The following PTPN14 variants were observed in gnomAD, a reference collection of about 807,000 sequenced individuals.
PTPN14 encodes the protein tyrosine-protein phosphatase non-receptor type 14.
PTPN14 carries 53 observed loss-of-function variants against 126.8 expected under a neutral mutation model. The ratio of observed to expected loss-of-function variants is 0.42; its 90% CI spans 0.34 to 0.53. The LOEUF is 0.53. Among genes scored for constraint, PTPN14 ranks in the 20% least tolerant of loss-of-function variants. The pLI is 0.08. For synonymous variants in PTPN14, 630 were observed against 599.3 expected, an observed-to-expected ratio of 1.05 and a Z score of -0.75; for missense variants, 1,257 against 1,552.9, an observed-to-expected ratio of 0.81 and a Z score of 3.20.
At chr1:214,506,907 G>C in intron 1 of PTPN14, among the ~76,000 whole-genome samples, 1 of 138,100 alleles carries the variant, frequency 7.2e-6, no homozygotes, top group East Asian at 1.9e-4. Flanking sequence ...ACAAGAGCGC[G>C]GGTTTTTTTT....
chr1:214,460,756 T>A (rs1660493096), intron 2 of PTPN14, among the ~76,000 whole-genome samples: 2 of 152,192 alleles, frequency 1.3e-5, no homozygotes. Context: ...CTCTAAACTC[T>A]AGGAGCAAAG....
intron 1 of PTPN14, among the ~76,000 whole-genome samples, chr1:214,481,483 C>T (rs1660983998): frequency 1.7e-5 from 2 of 114,558 alleles, no homozygotes; most frequent in South Asian, 5.7e-4. Flanking sequence ...TGCACTCCAG[C>T]CTGGGAAACA....
chr1:214,537,940 G>A (rs1655746421), intron 1 of PTPN14, among the ~76,000 whole-genome samples: 1 of 152,108 alleles, frequency 6.6e-6, no homozygotes, highest in Admixed American at 6.5e-5. Context: ...AAAATATTAT[G>A]TCAACATATA....
At chr1:214,517,228 G>A (rs1285723300) in intron 1 of PTPN14, among the ~76,000 whole-genome samples, 1 of 152,082 alleles carries the variant, frequency 6.6e-6, no homozygotes, top group Non-Finnish European at 1.5e-5. Context: ...GTGAAGGCAT[G>A]GTCAGTGTAC....
At chr1:214,525,083 T>C (rs931562858) in intron 1 of PTPN14, among the ~76,000 whole-genome samples, 1 of 152,156 alleles carries the variant, frequency 6.6e-6, no homozygotes, top group Admixed American at 6.5e-5. Flanking sequence ...ATGTAACATA[T>C]AGCAGTCCCA....
Position 214,357,985 on chromosome 1 carries a change from G to T in PTPN14, c.3501C>A (p.Ile1167=), listed in dbSNP as rs1199238230. Residue 1167 remains isoleucine (I), a synonymous_variant, in exon 19 of 19, where the codon ATC becomes ATA. Transcript: ENST00000366956. ...REQRMFMIQT[I]AQYKFVYQVL... ...CTTGGTAGACAAACTTGTACTGAGC[G>T]ATAGTCTGGATCATGAACATCCTCT... 3 of 1,613,224 alleles carry T rather than the reference G, an allele frequency of 1.9e-6. No individual in the cohort carries two copies. The highest frequency in any genetic ancestry group is 1.1e-5 in the South Asian group (1 of 91,054).
chr1:214,360,891 G>A (rs1317660786), intron 18 of PTPN14, among the ~76,000 whole-genome samples: 1 of 152,152 alleles, frequency 6.6e-6, no homozygotes, highest in Non-Finnish European at 1.5e-5. Context: ...GGAACATGGG[G>A]GCAGATTTCC....
chr1:214,374,597 G>A (rs1658297780), intron 15 of PTPN14, among the ~76,000 whole-genome samples: 2 of 152,298 alleles, frequency 1.3e-5, no homozygotes, highest in South Asian at 4.1e-4. Context: ...TCTGTTCTGT[G>A]TTAACGGCTG....
In PTPN14 at chr1:214,483,018, C is replaced by A; in HGVS notation, c.-154-18061G>T. ...TGTCTCCAATACCATTCCCCCCATA[C>A]TATTTCTGCAAGAATACTGTGAACC... On this transcript the variant is annotated intron_variant, in intron 1 of 18. Transcript: ENST00000366956. 3 of 1,575,634 alleles carry A rather than the reference C, an allele frequency of 1.9e-6. No homozygotes were observed. In the South Asian group the frequency reaches 3.3e-5, roughly 17 times the overall value.
intron 14 of PTPN14, among the ~76,000 whole-genome samples, chr1:214,377,405 G>A (rs1658368329): frequency 1.3e-5 from 2 of 152,180 alleles, no homozygotes; most frequent in South Asian, 4.1e-4. Flanking sequence ...GAGAGGAGCA[G>A]AGAGGATAAC....
chr1:214,353,509 C>T lies in PTPN14; in HGVS notation c.*4413G>A, dbSNP rs1302321867. 1 of 152,154 alleles carries T rather than the reference C, an allele frequency of 6.6e-6. No homozygotes were observed. The highest frequency in any genetic ancestry group is 1.5e-5 in the Non-Finnish European group (1 of 68,046). The allele number at this position is 152,154 out of a possible 1,614,324, so 9.4% of individuals were successfully genotyped here. A position where few individuals can be genotyped will look rare whatever the true frequency, so the allele number is the denominator to read the frequency against. On this transcript the variant is annotated 3_prime_UTR_variant, in exon 19 of 19. Coordinates refer to ENST00000366956, the MANE Select transcript of PTPN14 (RefSeq NM_005401.5). Reference sequence around the variant, plus strand: ...GTACTCATCTTCACCATCGAATACACCATTAGATGGGGAAAGGGAGACTAG... The same window carrying T: ...GTACTCATCTTCACCATCGAATACATCATTAGATGGGGAAAGGGAGACTAG...
intron 5 of PTPN14, among the ~76,000 whole-genome samples, chr1:214,406,386 C>T (rs1247086770): frequency 6.6e-6 from 1 of 151,230 alleles, no homozygotes; most frequent in African/African-American, 2.4e-5. Context: ...GAAGCTGAGG[C>T]AGGAGAATCG....
chr1:214,388,580 G>C (rs935554911), intron 11 of PTPN14, among the ~76,000 whole-genome samples: 3 of 151,908 alleles, frequency 2.0e-5, no homozygotes, highest in African/African-American at 7.3e-5. Context: ...TCTAGTTTTT[G>C]TATTTTTAGT....
intron 1 of PTPN14, among the ~76,000 whole-genome samples, chr1:214,503,144 C>T (rs78219802): frequency 0.057 from 8,696 of 152,188 alleles, 279 homozygotes; most frequent in Middle Eastern, 0.13. Flanking sequence ...AATTTAAATA[C>T]AATTTTTGTT....
At chr1:214,422,150 C>T (rs1425773012) in intron 3 of PTPN14, among the ~76,000 whole-genome samples, 1 of 152,164 alleles carries the variant, frequency 6.6e-6, no homozygotes, top group Non-Finnish European at 1.5e-5. Context: ...GAAAGAGCGC[C>T]TAAAAATTCT....
chr1:214,480,806 C>T (rs1660967278), intron 1 of PTPN14, among the ~76,000 whole-genome samples: 1 of 152,110 alleles, frequency 6.6e-6, no homozygotes, highest in Non-Finnish European at 1.5e-5. Flanking sequence ...AACCATTATT[C>T]CCACAGCACA....
chr1:214,386,777 C>G (rs908819728), intron 12 of PTPN14, 67 bp downstream of exon 12: 49 of 1,401,592 alleles, frequency 3.5e-5, no homozygotes, highest in African/African-American at 3.5e-4. Flanking sequence ...TTTTTTAAAG[C>G]CTTCTTTACT....
chr1:214,537,033 C>T (rs1172278571), intron 1 of PTPN14, among the ~76,000 whole-genome samples: 4 of 152,110 alleles, frequency 2.6e-5, no homozygotes, highest in Admixed American at 6.5e-5. Flanking sequence ...AATATACCCA[C>T]GTCTCTCAGT....
At chr1:214,418,590 A>G (rs1659475765) in intron 3 of PTPN14, among the ~76,000 whole-genome samples, 1 of 152,260 alleles carries the variant, frequency 6.6e-6, no homozygotes, top group Admixed American at 6.5e-5. Context: ...ATAAAAGTGA[A>G]AATAAAACAC....
Sources: allele counts gnomAD v4.1 joint callset (sites outside exome capture counted in the v4.1 genomes callset), GRCh38; gene constraint gnomAD v4.1.1; transcripts MANE v1.5; gene names NCBI Gene and HGNC (gene_info 2026-07-23, HGNC 2026-07-21).